The following ADGRG7 variants were observed in gnomAD, a reference collection of about 807,000 sequenced individuals.
The protein encoded by ADGRG7 is adhesion G protein-coupled receptor G7.
A neutral mutation model predicts 88.6 loss-of-function variants in ADGRG7; 82 were observed. The observed-to-expected ratio is 0.93, with a 90% confidence interval of 0.77 to 1.11. The LOEUF (loss-of-function observed/expected upper bound fraction) is 1.11. Ranked by LOEUF, ADGRG7 falls within the 50% of genes most tolerant of loss-of-function variation. ADGRG7 has a pLI of 0.00. For missense variants in ADGRG7, 945 were observed against 953.4 expected (o/e 0.99, Z 0.12); for synonymous variants, 381 against 345.2 (o/e 1.10, Z -1.15).
At chr3:100,669,625 T>TA (rs528115464) in intron 15 of ADGRG7, among the ~76,000 whole-genome samples, 170 of 150,622 alleles carry the variant, frequency 1.1e-3, no homozygotes, top group Non-Finnish European at 2.2e-3. Context: ...GATACTGGCA[T>TA]AAAATGTATA....
At chr3:100,683,016 G>A (rs890733004) in intron 15 of ADGRG7, among the ~76,000 whole-genome samples, 1 of 152,170 alleles carries the variant, frequency 6.6e-6, no homozygotes, top group African/African-American at 2.4e-5. Flanking sequence ...AGGGCCTGAT[G>A]AGCAGCTCTA....
chr3:100,665,524 T>G, intron 14 of ADGRG7: 1 of 457,394 alleles, frequency 2.2e-6, no homozygotes, highest in Non-Finnish European at 4.4e-6. Context: ...GGCACCTTTT[T>G]CTAGTGGGAC....
In ADGRG7 at chr3:100,629,652, C is replaced by G. The variant is rs766478473; in HGVS notation, c.170C>G (p.Thr57Ser). Reference sequence around the variant, plus strand: ...ACAGAGTTCTGCAGGAATGGTGGAACCTGGGAAAATGGCAGATGTATTTGT... The same window carrying G: ...ACAGAGTTCTGCAGGAATGGTGGAAGCTGGGAAAATGGCAGATGTATTTGT... ...TPTEFCRNGGTWENGRCICTE... is the reference protein window; with the variant it reads ...TPTEFCRNGGSWENGRCICTE... Residue 57 changes from threonine to serine, a missense_variant, in exon 2 of 16, where the codon ACC becomes AGC. Coordinates refer to ENST00000273352, the MANE Select transcript of ADGRG7 (RefSeq NM_032787.3). 2 of 1,613,142 alleles carry G rather than the reference C, an allele frequency of 1.2e-6. No homozygotes were observed. The highest frequency in any genetic ancestry group is 3.3e-5 in the Admixed American group (2 of 59,938).
chr3:100,627,953 T>G (rs1197503045), intron 1 of ADGRG7, among the ~76,000 whole-genome samples: 1 of 152,232 alleles, frequency 6.6e-6, no homozygotes, highest in Non-Finnish European at 1.5e-5. Context: ...CACAGATTCT[T>G]GAAGCTCTGT....
chr3:100,661,857 T>C (rs564840401), intron 14 of ADGRG7, among the ~76,000 whole-genome samples: 1 of 152,294 alleles, frequency 6.6e-6, no homozygotes, highest in South Asian at 2.1e-4. Context: ...TTACATTCTT[T>C]CAGAAATACA....
chr3:100,629,781 A>T, intron 2 of ADGRG7, 70 bp downstream of exon 2: 2 of 944,600 alleles, frequency 2.1e-6, no homozygotes, highest in South Asian at 2.9e-5. Context: ...ATAGCAATAA[A>T]GCTTCTAGAA....
At chr3:100,614,846 G>T (rs1265841975) in intron 1 of ADGRG7, among the ~76,000 whole-genome samples, 1 of 152,112 alleles carries the variant, frequency 6.6e-6, no homozygotes, top group African/African-American at 2.4e-5. Flanking sequence ...TGTTGTATAT[G>T]TTCTGTATTT....
intron 1 of ADGRG7, among the ~76,000 whole-genome samples, chr3:100,629,159 A>G (rs1707421363): frequency 1.3e-5 from 2 of 152,106 alleles, no homozygotes; most frequent in African/African-American, 4.8e-5. Flanking sequence ...ATGTAATTTT[A>G]AAATCCAGTC....
chr3:100,645,441 T>C (rs1416038347), intron 8 of ADGRG7, among the ~76,000 whole-genome samples: 1 of 152,134 alleles, frequency 6.6e-6, no homozygotes, highest in Non-Finnish European at 1.5e-5. Context: ...CAGAAGTGAC[T>C]TGAGCTCCTT....
chr3:100,692,727 G>T (rs1027333765), intron 15 of ADGRG7, among the ~76,000 whole-genome samples: 1 of 152,044 alleles, frequency 6.6e-6, no homozygotes, highest in African/African-American at 2.4e-5. Context: ...GAGTAGTGGG[G>T]CAATATGTGT....
At chr3:100,643,190 G>A (rs1707674566) in intron 6 of ADGRG7, 76 bp from the exon 7 acceptor site, 1 of 1,257,130 alleles carries the variant, frequency 8.0e-7, no homozygotes. Context: ...TCTTTCTGCT[G>A]TAGTGTAAGA....
At chr3:100,661,475 TA>T (rs2094945215) in intron 14 of ADGRG7, among the ~76,000 whole-genome samples, 1 of 152,234 alleles carries the variant, frequency 6.6e-6, no homozygotes, top group African/African-American at 2.4e-5. Context: ...CTGTCCCAAA[TA>T]AACATGCAAT....
chr3:100,642,924 ATGCCTTGCCAATGGTGGG>A (rs1707669401), intron 6 of ADGRG7, among the ~76,000 whole-genome samples: 2 of 152,230 alleles, frequency 1.3e-5, no homozygotes, highest in Admixed American at 6.5e-5. Flanking sequence ...TTAGAAGTGC[ATGCCTTGCCAATGGTGGG>A]TGGCAACACC....
chr3:100,670,957 G>A (rs2094957574), intron 15 of ADGRG7, among the ~76,000 whole-genome samples: 2 of 152,140 alleles, frequency 1.3e-5, no homozygotes, highest in African/African-American at 4.8e-5. Context: ...ATCATTGATG[G>A]GCATTTGGGT....
At chr3:100,651,356 A>G (rs562887763) in intron 11 of ADGRG7, among the ~76,000 whole-genome samples, 126 of 152,338 alleles carry the variant, frequency 8.3e-4, no homozygotes, top group Middle Eastern at 3.4e-3. Flanking sequence ...CATTATTTGT[A>G]TTTCTACCAT....
intron 15 of ADGRG7, among the ~76,000 whole-genome samples, chr3:100,689,942 T>C (rs59635032): frequency 0.01 from 1,552 of 152,326 alleles, 25 homozygotes; most frequent in African/African-American, 0.036. Flanking sequence ...ATTGGGGAAG[T>C]TCTCCTGGAT....
chr3:100,683,185 C>G (rs184185454), intron 15 of ADGRG7, among the ~76,000 whole-genome samples: 209 of 152,326 alleles, frequency 1.4e-3, no homozygotes, highest in African/African-American at 4.6e-3. Context: ...CTGCATACCT[C>G]ATTCTGGATG....
intron 14 of ADGRG7, chr3:100,665,287 G>GTCGT: frequency 1.8e-6 from 1 of 540,730 alleles, no homozygotes; most frequent in Non-Finnish European, 3.8e-6. Context: ...AAACGAGGTT[G>GTCGT]TCGTTCAGGT....
At chr3:100,634,351 CACTT>C (rs1405132730) in intron 4 of ADGRG7, among the ~76,000 whole-genome samples, 5 of 152,166 alleles carry the variant, frequency 3.3e-5, no homozygotes, top group Non-Finnish European at 5.9e-5. Flanking sequence ...TAGCCAATAA[CACTT>C]ACTAATTGTT....
Sources: allele counts gnomAD v4.1 joint callset (sites outside exome capture counted in the v4.1 genomes callset), GRCh38; gene constraint gnomAD v4.1.1; transcripts MANE v1.5; gene names NCBI Gene and HGNC (gene_info 2026-07-23, HGNC 2026-07-21).